Variants in SLC24A2 observed in about 807,000 individuals in gnomAD.
SLC24A2 encodes solute carrier family 24 member 2.
SLC24A2 carries 36 observed loss-of-function variants against 62.0 expected under a neutral mutation model. That is an observed-to-expected ratio of 0.58 (90% confidence interval 0.44 to 0.77). The LOEUF (loss-of-function observed/expected upper bound fraction) is 0.77. SLC24A2 is among the 30% of genes least tolerant of loss of function. The pLI is 0.00. For missense variants in SLC24A2, 846 were observed against 817.9 expected (o/e 1.03, Z -0.42); for synonymous variants, 358 against 294.0 (o/e 1.22, Z -2.23).
At chr9:19,600,809 T>G (rs571253434) in intron 4 of SLC24A2, among the ~76,000 whole-genome samples, 13 of 152,312 alleles carry the variant, frequency 8.5e-5, no homozygotes, top group Middle Eastern at 3.4e-3. Context: ...AGATGTGCTT[T>G]TCTGCTGCTG....
the SLC24A2 span, among the ~76,000 whole-genome samples, chr9:19,959,269 G>C: frequency 6.6e-6 from 1 of 152,148 alleles, no homozygotes; most frequent in Non-Finnish European, 1.5e-5. Context: ...CCCAATTGTG[G>C]CATGCAGAGA....
the SLC24A2 span, among the ~76,000 whole-genome samples, chr9:20,055,227 C>T: frequency 6.6e-6 from 1 of 151,996 alleles, no homozygotes; most frequent in African/African-American, 2.4e-5. Context: ...ATCTAGTGCT[C>T]TCATGGGAGC....
At chr9:20,218,328 A>G in the SLC24A2 span, among the ~76,000 whole-genome samples, 1 of 152,146 alleles carries the variant, frequency 6.6e-6, no homozygotes, top group Non-Finnish European at 1.5e-5. Context: ...TTGCTATGTT[A>G]CTGGTCTATA....
chr9:20,075,716 A>C, the SLC24A2 span, among the ~76,000 whole-genome samples: 8 of 152,228 alleles, frequency 5.3e-5, no homozygotes, highest in African/African-American at 1.9e-4. Context: ...ATACACTTGC[A>C]CTACTGCATC....
chr9:20,004,633 T>G, the SLC24A2 span, among the ~76,000 whole-genome samples: 1 of 152,240 alleles, frequency 6.6e-6, no homozygotes, highest in African/African-American at 2.4e-5. Flanking sequence ...TTTAAATTTG[T>G]TGAGCTGGAG....
intron 8 of SLC24A2, among the ~76,000 whole-genome samples, chr9:19,532,489 A>AT (rs1431889160): frequency 1.3e-5 from 2 of 152,156 alleles, no homozygotes; most frequent in African/African-American, 2.4e-5. Context: ...TTTTATCTGT[A>AT]TTTTTTACTG....
chr9:20,179,341 T>C, the SLC24A2 span, among the ~76,000 whole-genome samples: 1 of 152,104 alleles, frequency 6.6e-6, no homozygotes, highest in Non-Finnish European at 1.5e-5. Context: ...CGCTAGAGAA[T>C]GAGAAGTCCC....
chr9:19,978,894 G>T, the SLC24A2 span, among the ~76,000 whole-genome samples: 1 of 152,136 alleles, frequency 6.6e-6, no homozygotes, highest in South Asian at 2.1e-4. Context: ...ACATTTCTCT[G>T]CATGTTTAGG....
chr9:19,532,485 C>CTGT lies in SLC24A2; in HGVS notation c.1480-4350_1480-4348dup, dbSNP rs1193252141. On this transcript the variant is annotated intron_variant, in intron 8 of 10. Transcript: ENST00000341998. ...AGTTGTTAAATTGTATTGTTTTTAT[C>CTGT]TGTATTTTTTACTGTTGTATTAAAA... is the stretch of plus-strand genomic sequence containing the variant. Among the ~76,000 whole-genome samples the CTGT allele has an allele frequency of 4.5e-4, 68 of 152,156 alleles. 1 individual carries two copies. The highest frequency in any genetic ancestry group is 3.2e-3 in the Middle Eastern group (1 of 316).
At chr9:20,054,151 G>GTTTTCTTTTCTTTTTTCT in the SLC24A2 span, among the ~76,000 whole-genome samples, 4 of 151,762 alleles carry the variant, frequency 2.6e-5, no homozygotes, top group Non-Finnish European at 4.4e-5. Flanking sequence ...GTGATTTCTA[G>GTTTTCTTTTCTTTTTTCT]TTTTCTTTTC....
At chr9:19,558,709 T>A (rs1051782960) in intron 7 of SLC24A2, among the ~76,000 whole-genome samples, 1 of 152,230 alleles carries the variant, frequency 6.6e-6, no homozygotes, top group Non-Finnish European at 1.5e-5. Flanking sequence ...ATGAGAAGAA[T>A]ATGCACAACA....
intron 2 of SLC24A2, among the ~76,000 whole-genome samples, chr9:19,628,332 G>T (rs890426600): frequency 6.6e-6 from 1 of 152,102 alleles, no homozygotes; most frequent in Non-Finnish European, 1.5e-5. Flanking sequence ...TCAATTAAAG[G>T]TTAATCTTTC....
the SLC24A2 span, among the ~76,000 whole-genome samples, chr9:19,893,057 C>A: frequency 2.0e-5 from 3 of 152,200 alleles, no homozygotes; most frequent in Non-Finnish European, 4.4e-5. Context: ...ACACATTCCA[C>A]CAAAGAGAAC....
chr9:19,647,350 T>C (rs1164933060), intron 2 of SLC24A2, among the ~76,000 whole-genome samples: 1 of 152,096 alleles, frequency 6.6e-6, no homozygotes, highest in African/African-American at 2.4e-5. Flanking sequence ...TGTATTAGGG[T>C]TTCCTATGTC....
the SLC24A2 span, among the ~76,000 whole-genome samples, chr9:20,048,260 A>C: frequency 6.6e-6 from 1 of 152,226 alleles, no homozygotes; most frequent in Non-Finnish European, 1.5e-5. Flanking sequence ...ATAGTTGTTG[A>C]CATTAAAACA....
At chr9:19,646,228 T>G (rs1408790790) in intron 2 of SLC24A2, among the ~76,000 whole-genome samples, 3 of 152,218 alleles carry the variant, frequency 2.0e-5, no homozygotes, top group Non-Finnish European at 4.4e-5. Flanking sequence ...TAGATGCTTC[T>G]TTTCCTCACA....
chr9:20,053,172 G>A, the SLC24A2 span, among the ~76,000 whole-genome samples: 1 of 152,070 alleles, frequency 6.6e-6, no homozygotes, highest in Admixed American at 6.6e-5. Context: ...ACTTTCCTCT[G>A]CTTGCTTCTA....
chr9:19,751,022 G>A (rs1054820409), intron 2 of SLC24A2, among the ~76,000 whole-genome samples: 1 of 152,156 alleles, frequency 6.6e-6, no homozygotes, highest in Non-Finnish European at 1.5e-5. Flanking sequence ...AGCATTCTGT[G>A]CCTGCCTTCA....
the SLC24A2 span, among the ~76,000 whole-genome samples, chr9:19,819,185 T>C: frequency 6.6e-6 from 1 of 152,132 alleles, no homozygotes; most frequent in Non-Finnish European, 1.5e-5. Flanking sequence ...TCTCACCTTA[T>C]ACAAAAACCA....
Sources: gnomAD v4.1 joint callset for allele counts (sites outside exome capture counted in the v4.1 genomes callset) on GRCh38, gnomAD v4.1.1 for gene constraint, MANE v1.5 for transcripts, NCBI Gene and HGNC (gene_info 2026-07-23, HGNC 2026-07-21) for gene names.